The following TCF20 variants were observed in gnomAD, a reference collection of about 807,000 sequenced individuals.
TCF20 encodes SPRE-binding protein.
In TCF20, 3 loss-of-function variants were observed where a neutral mutation model predicts 148.6. The ratio of observed to expected loss-of-function variants is 0.02; its 90% CI spans 0.01 to 0.05. TCF20 has a LOEUF of 0.05. Ranked by LOEUF, TCF20 falls within the 10% of genes least tolerant of loss-of-function variation. TCF20 has a pLI of 1.00. For synonymous variants in TCF20, 1,049 were observed against 909.5 expected (o/e 1.15, Z -2.76); for missense variants, 2,350 against 2,429.3 (o/e 0.97, Z 0.69).
At chr22:42,229,713 C>T (rs1923228250) in intron 1 of TCF20, among the ~76,000 whole-genome samples, 1 of 152,228 alleles carries the variant, frequency 6.6e-6, no homozygotes, top group Non-Finnish European at 1.5e-5. Context: ...CTCCCCAAAA[C>T]ACTTTCCAAA....
At chr22:42,230,248 G>C (rs911247428) in intron 1 of TCF20, among the ~76,000 whole-genome samples, 1 of 152,218 alleles carries the variant, frequency 6.6e-6, no homozygotes, top group Non-Finnish European at 1.5e-5. Flanking sequence ...GGTCCCATCA[G>C]AGTACAATGG....
chr22:42,265,362 A>G (rs993847967), intron 1 of TCF20, among the ~76,000 whole-genome samples: 1 of 152,176 alleles, frequency 6.6e-6, no homozygotes, highest in African/African-American at 2.4e-5. Context: ...AGGCTGGAGT[A>G]CAATGGCAAC....
chr22:42,311,661 C>T (rs544438174), intron 1 of TCF20, among the ~76,000 whole-genome samples: 4 of 152,276 alleles, frequency 2.6e-5, no homozygotes, highest in South Asian at 2.1e-4. Context: ...AACCTGCTAG[C>T]GGTGCCTCAG....
At chr22:42,209,013 A>T (rs1413732562) in intron 2 of TCF20, among the ~76,000 whole-genome samples, 5 of 152,226 alleles carry the variant, frequency 3.3e-5, no homozygotes, top group African/African-American at 4.8e-5. Flanking sequence ...TTAGAATGGC[A>T]GTCTTCTCAA....
chr22:42,203,167 T>C (rs1938156880), intron 2 of TCF20, among the ~76,000 whole-genome samples: 1 of 152,184 alleles, frequency 6.6e-6, no homozygotes, highest in African/African-American at 2.4e-5. Flanking sequence ...CTTATTTATT[T>C]TGAGACTAGG....
chr22:42,251,643 C>G (rs1925380658), intron 1 of TCF20, among the ~76,000 whole-genome samples: 1 of 151,236 alleles, frequency 6.6e-6, no homozygotes, highest in African/African-American at 2.4e-5. Flanking sequence ...GCGGGGACTA[C>G]AGGCACTTGC....
chr22:42,195,558 T>A (rs149521112), intron 2 of TCF20, among the ~76,000 whole-genome samples: 14 of 151,100 alleles, frequency 9.3e-5, no homozygotes, highest in African/African-American at 3.2e-4. Context: ...TGGAGTGCAA[T>A]GGCGCGATCT....
At chr22:42,283,462 G>A (rs1401541851) in intron 1 of TCF20, among the ~76,000 whole-genome samples, 1 of 151,998 alleles carries the variant, frequency 6.6e-6, no homozygotes, top group Non-Finnish European at 1.5e-5. Flanking sequence ...GTGACCCGGG[G>A]CCCTGCCCTT....
In TCF20 at chr22:42,209,635, G is replaced by A; in HGVS notation, c.5655+16C>T. On this transcript the variant is annotated intron_variant, in intron 2 of 5. Transcript: ENST00000677622. ...AAATAAAAATCCCAAGCTGGTAAGAGATTTCTCATACTCACCATCTCTCTG... is the reference window on the plus strand; with the variant it reads ...AAATAAAAATCCCAAGCTGGTAAGAAATTTCTCATACTCACCATCTCTCTG... 1 of 1,566,634 alleles carries A rather than the reference G, an allele frequency of 6.4e-7. No homozygotes were observed. Among genetic ancestry groups the A allele is most frequent in the South Asian group, 1.2e-5 (1 of 84,546 alleles).
chr22:42,187,633 C>T (rs1937108635), intron 2 of TCF20, among the ~76,000 whole-genome samples: 1 of 152,186 alleles, frequency 6.6e-6, no homozygotes, highest in South Asian at 2.1e-4. Context: ...CCCTTATTTC[C>T]CTTCCGATGT....
chr22:42,321,377 C>T lies in TCF20; in HGVS notation c.-37+22102G>A, dbSNP rs975174130. On this transcript the variant is annotated intron_variant, in intron 1 of 1. Coordinates refer to the TCF20 transcript ENST00000515426. The stretch of plus-strand genomic sequence containing the variant: ...AGCTCTGTGAGCTAGGCCCCAGCTC[C>T]ACTCACATGCCCACCTCCCGGCTCC... Among the ~76,000 whole-genome samples the T allele has an allele frequency of 5.9e-5, 9 of 152,208 alleles. 1 individual carries two copies. The highest frequency in any genetic ancestry group is 2.2e-4 in the African/African-American group (9 of 41,466).
At chr22:42,182,060 G>A (rs948084107) in intron 2 of TCF20, among the ~76,000 whole-genome samples, 2 of 152,182 alleles carry the variant, frequency 1.3e-5, no homozygotes, top group Non-Finnish European at 2.9e-5. Flanking sequence ...GTGGCAAGAT[G>A]GAGAGACCTG....
chr22:42,273,420 G>A (rs942735118), upstream of TCF20, among the ~76,000 whole-genome samples: 27 of 141,634 alleles, frequency 1.9e-4, no homozygotes, highest in Non-Finnish European at 4.1e-4. Flanking sequence ...GTTAACACTA[G>A]CTGCATGTTC....
intron 1 of TCF20, among the ~76,000 whole-genome samples, chr22:42,239,398 C>G (rs1288396022): frequency 6.6e-6 from 1 of 152,006 alleles, no homozygotes; most frequent in Non-Finnish European, 1.5e-5. Flanking sequence ...ATCACTTGAA[C>G]CCCGGAGGCG....
chr22:42,174,062 C>T (rs1224213334), intron 3 of TCF20, among the ~76,000 whole-genome samples: 8 of 152,146 alleles, frequency 5.3e-5, no homozygotes, highest in Non-Finnish European at 1.0e-4. Flanking sequence ...GCTGGGGTGA[C>T]AACCTGGGCA....
intron 2 of TCF20, among the ~76,000 whole-genome samples, chr22:42,202,043 C>T (rs1033906159): frequency 1.3e-5 from 2 of 152,164 alleles, no homozygotes; most frequent in Non-Finnish European, 2.9e-5. Context: ...CTTCCCCCCG[C>T]AGCAAACTTG....
chr22:42,236,946 G>A (rs955473541), intron 1 of TCF20, among the ~76,000 whole-genome samples: 4 of 152,176 alleles, frequency 2.6e-5, no homozygotes, highest in South Asian at 2.1e-4. Context: ...CCTTCAGGGA[G>A]TCCTAATCTT....
intron 1 of TCF20, among the ~76,000 whole-genome samples, chr22:42,223,302 A>G (rs1033460): frequency 0.18 from 27,220 of 152,212 alleles, 2,677 homozygotes; most frequent in East Asian, 0.34. Flanking sequence ...CCTCTAGGAC[A>G]AGTTGGAGCT....
intron 1 of TCF20, among the ~76,000 whole-genome samples, chr22:42,224,638 A>C (rs2147257578): frequency 6.6e-6 from 1 of 151,956 alleles, no homozygotes; most frequent in African/African-American, 2.4e-5. Flanking sequence ...ACAAAATACC[A>C]ACATATTCAC....
Sources: gnomAD v4.1 joint callset for allele counts (sites outside exome capture counted in the v4.1 genomes callset) on GRCh38, gnomAD v4.1.1 for gene constraint, MANE v1.5 for transcripts, NCBI Gene and HGNC (gene_info 2026-07-23, HGNC 2026-07-21) for gene names.